Variants in AFG2A observed in about 807,000 individuals in gnomAD.
AFG2A encodes the protein AAA ATPase AFG2A.
At chr4:123,232,628 GAAGA>G in the AFG2A span, among the ~76,000 whole-genome samples, 2 of 152,002 alleles carry the variant, frequency 1.3e-5, no homozygotes, top group Admixed American at 1.3e-4. Flanking sequence ...TATGAGTGTG[GAAGA>G]AAGAGATTGG....
chr4:123,113,834 A>G, the AFG2A span, among the ~76,000 whole-genome samples: 1 of 152,158 alleles, frequency 6.6e-6, no homozygotes, highest in Admixed American at 6.5e-5. Flanking sequence ...ATTGAGTTAG[A>G]AAAGCTCAGA....
the AFG2A span, among the ~76,000 whole-genome samples, chr4:123,253,812 C>G: frequency 6.6e-6 from 1 of 152,064 alleles, no homozygotes; most frequent in Non-Finnish European, 1.5e-5. Flanking sequence ...AGTGGTTGTT[C>G]TATTTTATAT....
chr4:123,195,528 G>T, the AFG2A span, among the ~76,000 whole-genome samples: 1 of 152,150 alleles, frequency 6.6e-6, no homozygotes, highest in Non-Finnish European at 1.5e-5. Context: ...GTTTATTTAT[G>T]TGCAGATATA....
the AFG2A span, among the ~76,000 whole-genome samples, chr4:123,065,112 T>A: frequency 1.5e-3 from 227 of 152,280 alleles, no homozygotes; most frequent in African/African-American, 5.3e-3. Context: ...AGCCCAGGAT[T>A]CCAGGTGTAG....
At chr4:123,282,954 C>T in the AFG2A span, among the ~76,000 whole-genome samples, 13 of 151,974 alleles carry the variant, frequency 8.6e-5, no homozygotes, top group Non-Finnish European at 2.9e-5. Flanking sequence ...TCTTCTGTAT[C>T]GGAACACTTA....
chr4:123,168,977 G>T, the AFG2A span, among the ~76,000 whole-genome samples: 4 of 152,188 alleles, frequency 2.6e-5, no homozygotes, highest in Admixed American at 2.6e-4. Context: ...TTAGATGTCA[G>T]CCTGGTTAAC....
At chr4:123,230,695 C>A in the AFG2A span, among the ~76,000 whole-genome samples, 1 of 151,928 alleles carries the variant, frequency 6.6e-6, no homozygotes, top group Non-Finnish European at 1.5e-5. Flanking sequence ...TGCCCATATT[C>A]ATTAGAGGAA....
the AFG2A span, among the ~76,000 whole-genome samples, chr4:123,114,563 G>A: frequency 2.0e-5 from 3 of 152,186 alleles, no homozygotes; most frequent in Admixed American, 6.5e-5. Context: ...AACAACGCTG[G>A]GACCAGGAAG....
the AFG2A span, among the ~76,000 whole-genome samples, chr4:123,009,456 C>T: frequency 1.8e-4 from 28 of 152,140 alleles, no homozygotes; most frequent in African/African-American, 6.5e-4. Flanking sequence ...GGATATTGTG[C>T]CTGATACTTG....
the AFG2A span, among the ~76,000 whole-genome samples, chr4:123,038,084 A>T: frequency 6.6e-6 from 1 of 152,074 alleles, no homozygotes; most frequent in Non-Finnish European, 1.5e-5. Flanking sequence ...AATCTGTTGC[A>T]TATCTTTTGT....
chr4:123,229,665 T>TGTTCCCAC, the AFG2A span, among the ~76,000 whole-genome samples: 1 of 151,978 alleles, frequency 6.6e-6, no homozygotes, highest in Non-Finnish European at 1.5e-5. Context: ...TGCACAGTTC[T>TGTTCCCAC]TAGGTTTCTG....
chr4:123,011,593 T>C, the AFG2A span, among the ~76,000 whole-genome samples: 2 of 152,184 alleles, frequency 1.3e-5, no homozygotes, highest in Non-Finnish European at 2.9e-5. Flanking sequence ...TATCTAGATC[T>C]TGTAGGATGG....
chr4:122,956,746 A>G, the AFG2A span, among the ~76,000 whole-genome samples: 2 of 152,180 alleles, frequency 1.3e-5, no homozygotes, highest in East Asian at 1.9e-4. Flanking sequence ...TAAAAAGATT[A>G]GTGTTCTAAT....
the AFG2A span, among the ~76,000 whole-genome samples, chr4:123,302,499 T>A: frequency 6.6e-6 from 1 of 152,152 alleles, no homozygotes; most frequent in South Asian, 2.1e-4. Context: ...CCTCTGTGTC[T>A]GTGTATATGC....
At chr4:123,053,126 G>A in the AFG2A span, among the ~76,000 whole-genome samples, 1 of 152,184 alleles carries the variant, frequency 6.6e-6, no homozygotes, top group African/African-American at 2.4e-5. Flanking sequence ...TGACCCAAGT[G>A]TTAATCTCCT....
the AFG2A span, among the ~76,000 whole-genome samples, chr4:123,174,637 G>A: frequency 6.6e-6 from 1 of 152,102 alleles, no homozygotes; most frequent in Middle Eastern, 3.4e-3. Context: ...CCATGGTGGG[G>A]AAAAGGAATG....
chr4:123,068,007 A>G, the AFG2A span, among the ~76,000 whole-genome samples: 2 of 152,182 alleles, frequency 1.3e-5, no homozygotes, highest in East Asian at 3.9e-4. Flanking sequence ...TTGAATAGGA[A>G]TAATTTGGAA....
the AFG2A span, chr4:122,947,104 G>GT: frequency 1.3e-6 from 1 of 757,242 alleles, no homozygotes; most frequent in Non-Finnish European, 1.9e-6. Context: ...TAATGAAAGC[G>GT]TAAGAAATAG....
the AFG2A span, among the ~76,000 whole-genome samples, chr4:123,081,057 G>A: frequency 1.3e-5 from 2 of 151,944 alleles, no homozygotes; most frequent in Non-Finnish European, 2.9e-5. Context: ...TTAACATCCT[G>A]TGGGAGAGTG....
Sources: gnomAD v4.1 joint callset for allele counts (sites outside exome capture counted in the v4.1 genomes callset) on GRCh38, gnomAD v4.1.1 for gene constraint, MANE v1.5 for transcripts, NCBI Gene and HGNC (gene_info 2026-07-23, HGNC 2026-07-21) for gene names.